The following GRM5 variants were observed in gnomAD, a reference collection of about 807,000 sequenced individuals.
The protein encoded by GRM5 is metabotropic glutamate receptor 5.
In GRM5, 19 loss-of-function variants were observed where a neutral mutation model predicts 83.1. The ratio of observed to expected loss-of-function variants is 0.23; its 90% CI spans 0.16 to 0.34. GRM5 has a LOEUF of 0.34. GRM5 is among the 10% of genes least tolerant of loss of function. The pLI is 1.00. For missense variants in GRM5, 1,160 were observed against 1,588.3 expected (o/e 0.73, Z 4.58); for synonymous variants, 675 against 633.6 (o/e 1.07, Z -0.98).
Position 88,884,068 on chromosome 11 carries a change from C to T in GRM5, c.662-33913G>A, listed in dbSNP as rs533715173. On this transcript the variant is annotated intron_variant, in intron 2 of 9. Coordinates refer to ENST00000305447, the MANE Select transcript of GRM5 (RefSeq NM_001143831.3). ...GCCTAGTGGAATTGTGAGAAGAAGG[C>T]CACTGTCCTCCAGAAACCCAGAATG... Among the ~76,000 whole-genome samples the T allele has an allele frequency of 1.1e-4, 16 of 152,198 alleles. No individual in the cohort carries two copies. In the East Asian group the frequency reaches 3.1e-3, roughly 30 times the overall value.
intron 2 of GRM5, among the ~76,000 whole-genome samples, chr11:88,851,666 C>T (rs561236459): frequency 5.3e-4 from 80 of 152,268 alleles, no homozygotes; most frequent in African/African-American, 1.9e-3. Flanking sequence ...GTGGGTGCTA[C>T]CATACCACAG....
chr11:88,792,402 A>G (rs1943191440), intron 3 of GRM5, among the ~76,000 whole-genome samples: 1 of 152,128 alleles, frequency 6.6e-6, no homozygotes, highest in African/African-American at 2.4e-5. Flanking sequence ...AATAGAAAAA[A>G]CAAAAAGCTA....
intron 3 of GRM5, among the ~76,000 whole-genome samples, chr11:88,705,098 A>C (rs1941123863): frequency 6.6e-6 from 1 of 152,130 alleles, no homozygotes. Context: ...TATAGGTAAG[A>C]CAGTTAACAC....
chr11:88,827,516 A>G lies in GRM5; in HGVS notation c.911+22390T>C, dbSNP rs534967090. 6.4e-4 allele frequency among the ~76,000 whole-genome samples: 97 copies of G among 152,268 alleles called. 1 individual carries two copies. In the South Asian group the frequency reaches 0.012, roughly 19 times the overall value. ...GTCAGCTAGTTCCCCTGCTTACGCCATTTTCATTTCACCCTAACACTCTTT... is the reference window on the plus strand; with the variant it reads ...GTCAGCTAGTTCCCCTGCTTACGCCGTTTTCATTTCACCCTAACACTCTTT... On this transcript the variant is annotated intron_variant, in intron 3 of 9. Transcript: ENST00000305447.
chr11:88,564,594 A>G (rs1565340461), intron 8 of GRM5, among the ~76,000 whole-genome samples: 1 of 152,190 alleles, frequency 6.6e-6, no homozygotes, highest in East Asian at 1.9e-4. Context: ...ACAACTAGGG[A>G]GTAAGAGTGT....
intron 4 of GRM5, among the ~76,000 whole-genome samples, chr11:88,620,613 C>A (rs931006434): frequency 3.3e-5 from 5 of 152,132 alleles, no homozygotes; most frequent in Non-Finnish European, 5.9e-5. Context: ...AAATGACTAG[C>A]TATTGATTTA....
chr11:88,786,633 C>T (rs934582117), intron 3 of GRM5, among the ~76,000 whole-genome samples: 2 of 152,112 alleles, frequency 1.3e-5, no homozygotes, highest in Non-Finnish European at 2.9e-5. Flanking sequence ...ATGGCTCCCC[C>T]TGCCCCATCT....
At chr11:88,632,530 G>C (rs1301311464) in intron 4 of GRM5, among the ~76,000 whole-genome samples, 9 of 151,984 alleles carry the variant, frequency 5.9e-5, no homozygotes, top group Admixed American at 1.3e-4. Context: ...GATTTTTGCT[G>C]TGTTGTTGGG....
chr11:88,560,540 A>G (rs1234915782), intron 8 of GRM5, among the ~76,000 whole-genome samples: 1 of 152,186 alleles, frequency 6.6e-6, no homozygotes, highest in Non-Finnish European at 1.5e-5. Flanking sequence ...GATTTTAGAA[A>G]GAAAGCATTT....
intron 2 of GRM5, among the ~76,000 whole-genome samples, chr11:88,966,657 T>C (rs1298180750): frequency 6.6e-6 from 1 of 152,124 alleles, no homozygotes; most frequent in Non-Finnish European, 1.5e-5. Context: ...GGCCACTGGA[T>C]CATGAAGAAC....
rs75158553 is a variant in GRM5, at chr11:88,827,706, G to A, written c.911+22200C>T. On this transcript the variant is annotated intron_variant, in intron 3 of 9. Transcript: ENST00000305447. ...CCTATCTGCTAAAATATGGATTAAGGTTTCTTCAGCTTATTTATTTCATTA... is the reference window on the plus strand; with the variant it reads ...CCTATCTGCTAAAATATGGATTAAGATTTCTTCAGCTTATTTATTTCATTA... 1.1e-4 allele frequency among the ~76,000 whole-genome samples: 16 copies of A among 152,228 alleles called. No homozygotes were observed. In the East Asian group the frequency reaches 2.9e-3, roughly 28 times the overall value.
At position 89,047,456 on chromosome 11, in the gene GRM5, G is replaced by C; in HGVS notation, c.417C>G (p.Ser139=). The change falls in exon 2 of 10, where the codon TCC becomes TCG. Residue 139 remains serine, a synonymous_variant. Transcript: ENST00000305447. This position sits in a 1 kb window ranked among gnomAD's most constrained non-coding sequence, Gnocchi z 5.1. ...CVDGSSSSFR[S]KKPIVGVIGP... Reference sequence around the variant, plus strand: ...CAATGACCCCTACTATGGGCTTCTTGGAGCGGAAGGAAGAGGAGGAGCCAT... The same window carrying C: ...CAATGACCCCTACTATGGGCTTCTTCGAGCGGAAGGAAGAGGAGGAGCCAT... The C allele has an allele frequency of 6.2e-7, 1 of 1,614,164 alleles. No individual in the cohort carries two copies. The highest frequency in any genetic ancestry group is 1.3e-5 in the African/African-American group (1 of 75,052).
At chr11:88,532,435 G>A (rs1040665872) in intron 8 of GRM5, among the ~76,000 whole-genome samples, 1 of 152,180 alleles carries the variant, frequency 6.6e-6, no homozygotes, top group Non-Finnish European at 1.5e-5. Flanking sequence ...ACAAGTCACT[G>A]TGAATGTTAC....
chr11:88,706,336 A>C (rs866063242), intron 3 of GRM5, among the ~76,000 whole-genome samples: 2 of 152,018 alleles, frequency 1.3e-5, no homozygotes, highest in African/African-American at 4.8e-5. Context: ...ATCCAGGCAC[A>C]TTGTTTCAAC....
At chr11:88,794,513 C>A (rs573979978) in intron 3 of GRM5, among the ~76,000 whole-genome samples, 1 of 152,094 alleles carries the variant, frequency 6.6e-6, no homozygotes, top group East Asian at 1.9e-4. Flanking sequence ...TTCTGTTAGA[C>A]ATTTAGAGGA....
At chr11:89,061,717 T>G (rs922154558) in intron 1 of GRM5, among the ~76,000 whole-genome samples, 12 of 152,222 alleles carry the variant, frequency 7.9e-5, no homozygotes, top group Non-Finnish European at 1.8e-4. Flanking sequence ...AAGGCCTGTG[T>G]CTACCTATGG....
rs558786552 is a variant in GRM5 at position 88,644,394 on chromosome 11, C to A, written c.1147+8774G>T. ...TAAAATGCTTGCCTTATATTCAAGG[C>A]ATTGGGATAGGGATTTGGAAAACAG... On this transcript the variant is annotated intron_variant, in intron 4 of 9. Coordinates refer to ENST00000305447, the MANE Select transcript of GRM5 (RefSeq NM_001143831.3). 1.8e-4 allele frequency among the ~76,000 whole-genome samples: 27 copies of A among 152,230 alleles called. 1 individual carries two copies. In the South Asian group the frequency reaches 5.4e-3, roughly 30 times the overall value.
chr11:88,527,553 G>GTT (rs1941908673), intron 8 of GRM5, among the ~76,000 whole-genome samples: 1 of 152,032 alleles, frequency 6.6e-6, no homozygotes, highest in Non-Finnish European at 1.5e-5. Flanking sequence ...AGAACTTAAA[G>GTT]CAGAACTACC....
At chr11:88,598,710 T>A (rs1937890088) in intron 5 of GRM5, among the ~76,000 whole-genome samples, 1 of 152,186 alleles carries the variant, frequency 6.6e-6, no homozygotes, top group Admixed American at 6.5e-5. Flanking sequence ...TATATGAGCT[T>A]TAAGTATTCA....
Sources: gnomAD v4.1 joint callset for allele counts (sites outside exome capture counted in the v4.1 genomes callset) on GRCh38, gnomAD v4.1.1 for gene constraint, Gnocchi (gnomAD v3.1) non-coding constraint, MANE v1.5 for transcripts, NCBI Gene and HGNC (gene_info 2026-07-23, HGNC 2026-07-21) for gene names.